The following FER variants were observed in gnomAD, a reference collection of about 807,000 sequenced individuals.
The protein encoded by FER is FER tyrosine kinase, also known as tyrosine-protein kinase Fer.
Under a neutral mutation model 111.0 loss-of-function variants are expected in FER, and 63 were observed. The ratio of observed to expected loss-of-function variants is 0.57; its 90% CI spans 0.46 to 0.70. The LOEUF (loss-of-function observed/expected upper bound fraction) is 0.70. Ranked by LOEUF, FER falls within the 30% of genes least tolerant of loss-of-function variation. The pLI, the probability that FER is intolerant of heterozygous loss-of-function variation, is 0.00. For synonymous variants in FER, 327 were observed against 313.9 expected, an observed-to-expected ratio of 1.04 and a Z score of -0.44; for missense variants, 914 against 954.0, an observed-to-expected ratio of 0.96 and a Z score of 0.55.
intron 13 of FER, among the ~76,000 whole-genome samples, chr5:109,027,566 G>A (rs1382300450): frequency 1.3e-5 from 2 of 152,012 alleles, no homozygotes; most frequent in Admixed American, 6.6e-5. Flanking sequence ...ACTTGAGATC[G>A]AATTTCAAAT....
chr5:108,792,072 T>TACAG (rs1296247835), intron 2 of FER, among the ~76,000 whole-genome samples: 3 of 152,260 alleles, frequency 2.0e-5, no homozygotes, highest in Non-Finnish European at 4.4e-5. Flanking sequence ...CCATAGTGTG[T>TACAG]TGATCACTGT....
At chr5:109,010,067 A>G (rs895596083) in intron 13 of FER, among the ~76,000 whole-genome samples, 1 of 152,230 alleles carries the variant, frequency 6.6e-6, no homozygotes, top group African/African-American at 2.4e-5. Context: ...ATCACATTTC[A>G]AAGAGGTACC....
At chr5:109,075,230 T>C (rs1046767247) in intron 16 of FER, among the ~76,000 whole-genome samples, 2 of 152,286 alleles carry the variant, frequency 1.3e-5, no homozygotes, top group South Asian at 2.1e-4. Flanking sequence ...AAAAAATTAA[T>C]GTAAAAAAAT....
At chr5:108,962,913 G>A (rs557834692) in intron 13 of FER, among the ~76,000 whole-genome samples, 1 of 152,284 alleles carries the variant, frequency 6.6e-6, no homozygotes, top group South Asian at 2.1e-4. Context: ...AGATTGTAGA[G>A]TCTAAGTTTT....
At chr5:108,865,901 A>G (rs917784867) in intron 5 of FER, among the ~76,000 whole-genome samples, 1 of 152,218 alleles carries the variant, frequency 6.6e-6, no homozygotes, top group African/African-American at 2.4e-5. Flanking sequence ...ATCTCACACC[A>G]GTTAGAATGG....
At chr5:108,891,814 C>T (rs1381173935) in intron 9 of FER, among the ~76,000 whole-genome samples, 1 of 152,072 alleles carries the variant, frequency 6.6e-6, no homozygotes, top group Admixed American at 6.6e-5. Context: ...ATCCCTCCCC[C>T]TTCCCCCACG....
chr5:108,943,253 G>A (rs1263408366), intron 10 of FER, among the ~76,000 whole-genome samples: 1 of 152,124 alleles, frequency 6.6e-6, no homozygotes, highest in Non-Finnish European at 1.5e-5. Context: ...AAATGATGGG[G>A]AGTTGGACAA....
intron 16 of FER, among the ~76,000 whole-genome samples, chr5:109,081,045 C>G (rs1196091202): frequency 6.6e-6 from 1 of 152,194 alleles, no homozygotes; most frequent in East Asian, 1.9e-4. Flanking sequence ...CACAGTCCCA[C>G]TTCCTTATTG....
chr5:108,942,957 C>A (rs1756475433), intron 10 of FER, among the ~76,000 whole-genome samples: 1 of 152,060 alleles, frequency 6.6e-6, no homozygotes, highest in Non-Finnish European at 1.5e-5. Context: ...GCTGGCTGTT[C>A]CTACAGAGCC....
At position 109,051,119 on chromosome 5, in the gene FER, C is replaced by A. The variant is rs565347482; in HGVS notation, c.1924+3921C>A. 3.3e-5 allele frequency among the ~76,000 whole-genome samples: 5 copies of A among 152,244 alleles called. No individual in the cohort carries two copies. In the South Asian group the frequency reaches 8.3e-4, roughly 25 times the overall value. On this transcript the variant is annotated intron_variant, in intron 16 of 19. Transcript: ENST00000281092. ...CCAATATGCACCTCTCTTATCCCCT[C>A]CCTCTCCACCCATCTACCCCATACA...
At chr5:109,149,753 G>A (rs1002924085) in intron 17 of FER, among the ~76,000 whole-genome samples, 2 of 152,108 alleles carry the variant, frequency 1.3e-5, no homozygotes, top group Admixed American at 1.3e-4. Context: ...CCATGTGGCT[G>A]GGAATAAAAT....
At chr5:109,021,665 C>T (rs1224505153) in intron 13 of FER, among the ~76,000 whole-genome samples, 2 of 151,936 alleles carry the variant, frequency 1.3e-5, no homozygotes, top group African/African-American at 2.4e-5. Context: ...ACATATATCC[C>T]ATCTCATTAC....
intron 13 of FER, among the ~76,000 whole-genome samples, chr5:108,987,768 T>G (rs953178523): frequency 5.9e-5 from 9 of 152,166 alleles, no homozygotes; most frequent in Admixed American, 5.2e-4. Context: ...TCTTTACCAA[T>G]TTGGATGCCC....
intron 16 of FER, among the ~76,000 whole-genome samples, chr5:109,070,577 T>C (rs1277641445): frequency 2.0e-5 from 3 of 151,936 alleles, no homozygotes; most frequent in Non-Finnish European, 4.4e-5. Flanking sequence ...TGGAAAAATA[T>C]GCATTGAGAG....
chr5:108,848,114 A>T (rs761414690), intron 5 of FER, among the ~76,000 whole-genome samples: 29 of 152,132 alleles, frequency 1.9e-4, no homozygotes, highest in Admixed American at 3.3e-4. Flanking sequence ...CCCTGAGCTC[A>T]AGTTATCTGC....
chr5:108,844,280 C>T lies in FER; in HGVS notation c.481+8473C>T, dbSNP rs539858412. Among the ~76,000 whole-genome samples the T allele has an allele frequency of 5.3e-5, 8 of 152,242 alleles. No homozygotes were observed. The South Asian group carries it at 1.4e-3, about 28-fold the overall frequency. On this transcript the variant is annotated intron_variant, in intron 5 of 19. Coordinates refer to ENST00000281092, the MANE Select transcript of FER (RefSeq NM_005246.4). ...ATTTTCTAAGAACTGTATTTTCCAA[C>T]ACAACCCTAATTTAATATGCCCAAG... is the stretch of plus-strand genomic sequence containing the variant.
chr5:109,031,847 A>C (rs1191213510), intron 13 of FER, among the ~76,000 whole-genome samples: 1 of 152,140 alleles, frequency 6.6e-6, no homozygotes, highest in Non-Finnish European at 1.5e-5. Flanking sequence ...ATCCTTTGTC[A>C]TCACTTACAT....
chr5:108,751,403 C>T (rs1182453840), intron 1 of FER, among the ~76,000 whole-genome samples: 1 of 152,142 alleles, frequency 6.6e-6, no homozygotes, highest in East Asian at 1.9e-4. Context: ...AAGTCATCAT[C>T]TTTGTAATCA....
rs766296319 is a variant in FER, at chr5:109,100,485, A to G, written c.2014A>G (p.Met672Val). 3.1e-6 allele frequency: 5 copies of G among 1,611,252 alleles called. No homozygotes were observed. Among genetic ancestry groups the G allele is most frequent in the Non-Finnish European group, 3.4e-6 (4 of 1,177,938 alleles). ...VKFSLDAAAG[M>V]LYLESKNCIH... is the part of the protein sequence containing the mutation. The stretch of plus-strand genomic sequence containing the variant: ...ATTTTCATTAGACGCTGCTGCTGGT[A>G]TGTTGTATCTCGAGAGTAAAAACTG... Residue 672 changes from methionine (M) to valine (V), a missense_variant, in exon 17 of 20, where the codon ATG becomes GTG. This residue lies in a region of FER where 774 missense variants were observed against 782.6 expected (regional missense o/e 0.99). Coordinates refer to ENST00000281092, the MANE Select transcript of FER (RefSeq NM_005246.4).
Sources: gnomAD v4.1 joint callset for allele counts (sites outside exome capture counted in the v4.1 genomes callset) on GRCh38, gnomAD v4.1.1 for gene constraint, gnomAD v4.1.1 regional missense constraint, MANE v1.5 for transcripts, NCBI Gene and HGNC (gene_info 2026-07-23, HGNC 2026-07-21) for gene names.